The following SORCS1 variants were observed in gnomAD, a reference collection of about 807,000 sequenced individuals.
SORCS1 encodes VPS10 domain-containing receptor SorCS1.
SORCS1 carries 60 observed loss-of-function variants against 146.1 expected under a neutral mutation model. The ratio of observed to expected loss-of-function variants is 0.41; its 90% CI spans 0.33 to 0.51. The LOEUF is 0.51. SORCS1 is among the 20% of genes least tolerant of loss of function. The pLI is 0.21. For synonymous variants in SORCS1, 637 were observed against 584.0 expected, an observed-to-expected ratio of 1.09 and a Z score of -1.31; for missense variants, 1,352 against 1,487.6, an observed-to-expected ratio of 0.91 and a Z score of 1.50.
At chr10:106,742,351 C>T (rs1040527323) in intron 5 of SORCS1, among the ~76,000 whole-genome samples, 8 of 151,950 alleles carry the variant, frequency 5.3e-5, no homozygotes, top group South Asian at 2.1e-4. Context: ...TGTTTTATAA[C>T]ACCTTGTACA....
intron 1 of SORCS1, among the ~76,000 whole-genome samples, chr10:106,959,505 A>G (rs1955124904): frequency 6.6e-6 from 1 of 152,172 alleles, no homozygotes; most frequent in Non-Finnish European, 1.5e-5. Flanking sequence ...CTTTTCTGTG[A>G]CAGCAATACT....
intron 5 of SORCS1, among the ~76,000 whole-genome samples, chr10:106,732,172 T>G (rs1484104602): frequency 6.6e-6 from 1 of 152,254 alleles, no homozygotes; most frequent in African/African-American, 2.4e-5. Flanking sequence ...TCAGAGCCTA[T>G]GCTTGAAACA....
intron 3 of SORCS1, among the ~76,000 whole-genome samples, chr10:106,786,776 T>C (rs149456077): frequency 0.013 from 1,952 of 152,246 alleles, 22 homozygotes; most frequent in African/African-American, 0.025. Flanking sequence ...ATAGATATGA[T>C]AAAAAGTTGT....
intron 1 of SORCS1, among the ~76,000 whole-genome samples, chr10:107,100,371 G>A (rs186793511): frequency 1.3e-5 from 2 of 152,028 alleles, no homozygotes; most frequent in East Asian, 3.9e-4. Context: ...AAACTTAGCT[G>A]GGCGTGGTGG....
chr10:107,061,158 G>A (rs550939712), intron 1 of SORCS1, among the ~76,000 whole-genome samples: 2 of 152,180 alleles, frequency 1.3e-5, no homozygotes, highest in Admixed American at 6.5e-5. Flanking sequence ...GGTGTTTAAC[G>A]AGAATTTTTA....
chr10:106,620,358 T>C, intron 20 of SORCS1, 70 bp downstream of exon 20: 5 of 1,550,048 alleles, frequency 3.2e-6, no homozygotes, highest in Non-Finnish European at 4.4e-6. Flanking sequence ...AGCCATTTCA[T>C]TCCCTCCTTT....
intron 1 of SORCS1, among the ~76,000 whole-genome samples, chr10:107,112,343 C>T (rs922465780): frequency 2.0e-5 from 3 of 151,918 alleles, no homozygotes; most frequent in Middle Eastern, 3.4e-3. Context: ...GGATGTTTTA[C>T]GTATGTTCCA....
chr10:106,843,806 C>A (rs1367615565), intron 2 of SORCS1, among the ~76,000 whole-genome samples: 1 of 152,186 alleles, frequency 6.6e-6, no homozygotes, highest in Admixed American at 6.5e-5. Flanking sequence ...CCATTGATTT[C>A]TCAGACACTT....
chr10:106,972,563 A>T (rs138884932), intron 1 of SORCS1, among the ~76,000 whole-genome samples: 8 of 149,786 alleles, frequency 5.3e-5, no homozygotes, highest in African/African-American at 1.5e-4. Flanking sequence ...AGTTTGAGTG[A>T]CTTGCCCAAG....
intron 1 of SORCS1, among the ~76,000 whole-genome samples, chr10:107,102,108 C>T (rs1019779949): frequency 7.9e-5 from 12 of 152,252 alleles, no homozygotes; most frequent in African/African-American, 2.6e-4. Context: ...TAATGACTAG[C>T]ATAATGCAAC....
chr10:106,649,125 C>T (rs148104183), intron 18 of SORCS1, among the ~76,000 whole-genome samples: 83 of 152,232 alleles, frequency 5.5e-4, no homozygotes, highest in African/African-American at 1.7e-3. Flanking sequence ...AGGTGTGATC[C>T]GATTCTTCCA....
At chr10:106,945,012 A>T (rs1341340947) in intron 2 of SORCS1, among the ~76,000 whole-genome samples, 1 of 150,438 alleles carries the variant, frequency 6.6e-6, no homozygotes, top group Non-Finnish European at 1.5e-5. Flanking sequence ...CAAACTCCCG[A>T]GAGGCTGGGA....
At chr10:106,958,466 C>T (rs1955070037) in intron 1 of SORCS1, among the ~76,000 whole-genome samples, 1 of 152,182 alleles carries the variant, frequency 6.6e-6, no homozygotes, top group Non-Finnish European at 1.5e-5. Flanking sequence ...GTTTGATTTA[C>T]TGAAGGCACA....
intron 17 of SORCS1, among the ~76,000 whole-genome samples, chr10:106,652,770 T>A (rs1233902072): frequency 6.6e-6 from 1 of 152,146 alleles, no homozygotes; most frequent in Non-Finnish European, 1.5e-5. Context: ...TGTAACTGAG[T>A]TTTATTCATC....
chr10:106,673,437 G>A (rs540325516), intron 14 of SORCS1, among the ~76,000 whole-genome samples: 1 of 152,126 alleles, frequency 6.6e-6, no homozygotes, highest in African/African-American at 2.4e-5. Flanking sequence ...GCCGAGGAGG[G>A]TACTATTACT....
intron 1 of SORCS1, among the ~76,000 whole-genome samples, chr10:106,985,703 A>T (rs2139402982): frequency 6.6e-6 from 1 of 151,758 alleles, no homozygotes; most frequent in East Asian, 1.9e-4. Flanking sequence ...CACCCAGCCA[A>T]TTTTTGTATT....
chr10:106,646,827 C>T (rs978508331), intron 18 of SORCS1, among the ~76,000 whole-genome samples: 10 of 151,582 alleles, frequency 6.6e-5, no homozygotes, highest in Admixed American at 6.6e-4. Flanking sequence ...TTGTAGCACC[C>T]ATGTATTGAA....
At chr10:106,872,158 T>C (rs138383966) in intron 2 of SORCS1, among the ~76,000 whole-genome samples, 247 of 152,248 alleles carry the variant, frequency 1.6e-3, no homozygotes, top group South Asian at 5.2e-3. Flanking sequence ...TTATGGAAAA[T>C]AGATAGTTAA....
intron 1 of SORCS1, among the ~76,000 whole-genome samples, chr10:106,967,113 CA>C (rs34653353): frequency 0.18 from 26,512 of 144,332 alleles, 2,380 homozygotes; most frequent in Admixed American, 0.25. Flanking sequence ...GCTATCCACT[CA>C]AAAAAAAAAA....
Sources: allele counts gnomAD v4.1 joint callset (sites outside exome capture counted in the v4.1 genomes callset), GRCh38; gene constraint gnomAD v4.1.1; transcripts MANE v1.5; gene names NCBI Gene and HGNC (gene_info 2026-07-23, HGNC 2026-07-21).